The following FAM81A variants were observed in gnomAD, a reference collection of about 807,000 sequenced individuals.
The protein encoded by FAM81A is protein FAM81A.
FAM81A carries 19 observed loss-of-function variants against 46.7 expected under a neutral mutation model. That is an observed-to-expected ratio of 0.41 (90% confidence interval 0.28 to 0.60). The LOEUF is 0.60. Among genes scored for constraint, FAM81A ranks in the 20% least tolerant of loss-of-function variants. FAM81A has a pLI of 0.34. For missense variants in FAM81A, 377 were observed against 453.5 expected (o/e 0.83, Z 1.53); for synonymous variants, 183 against 152.9 (o/e 1.20, Z -1.45).
intron 4 of FAM81A, among the ~76,000 whole-genome samples, chr15:59,498,553 G>T (rs1207230895): frequency 6.6e-6 from 1 of 152,150 alleles, no homozygotes; most frequent in African/African-American, 2.4e-5. Context: ...CCTCGAGTAC[G>T]ATGTTGAATA....
At chr15:59,497,996 A>G (rs1415302150) in intron 4 of FAM81A, among the ~76,000 whole-genome samples, 2 of 152,180 alleles carry the variant, frequency 1.3e-5, no homozygotes, top group Non-Finnish European at 2.9e-5. Flanking sequence ...AGCTGGGACT[A>G]CAGGCATGTG....
intron 2 of FAM81A, among the ~76,000 whole-genome samples, chr15:59,422,338 T>C (rs1370681722): frequency 1.3e-5 from 2 of 152,148 alleles, no homozygotes; most frequent in Non-Finnish European, 2.9e-5. Flanking sequence ...AAGTGAGCTA[T>C]GATCAGGCCA....
At chr15:59,399,396 AT>A (rs2081060959) in intron 1 of FAM81A, among the ~76,000 whole-genome samples, 1 of 152,094 alleles carries the variant, frequency 6.6e-6, no homozygotes, top group Admixed American at 6.6e-5. Context: ...TCAGCCCAAT[AT>A]TAGGGGTTCT....
At chr15:59,474,135 A>G (rs1387256611) in intron 3 of FAM81A, among the ~76,000 whole-genome samples, 3 of 152,120 alleles carry the variant, frequency 2.0e-5, no homozygotes, top group Non-Finnish European at 4.4e-5. Context: ...CACTCTTACT[A>G]TAGCATTTAT....
chr15:59,502,979 A>G (rs1312575209), intron 4 of FAM81A, among the ~76,000 whole-genome samples: 2 of 152,030 alleles, frequency 1.3e-5, no homozygotes, highest in Non-Finnish European at 2.9e-5. Context: ...AAGCCTGGCC[A>G]GGAGTGGTGG....
At chr15:59,497,134 G>A (rs1488365709) in intron 4 of FAM81A, among the ~76,000 whole-genome samples, 1 of 146,664 alleles carries the variant, frequency 6.8e-6, no homozygotes, top group Non-Finnish European at 1.5e-5. Flanking sequence ...TAAAAAAGAA[G>A]AAGAAGAAGA....
chr15:59,455,065 CTT>C (rs773072708), intron 1 of FAM81A, among the ~76,000 whole-genome samples: 9 of 134,528 alleles, frequency 6.7e-5, no homozygotes, highest in African/African-American at 8.1e-5. Context: ...ACCTGGCTAA[CTT>C]TTTTTTTTTT....
intron 2 of FAM81A, chr15:59,408,058 C>T (rs2081104405): frequency 6.0e-6 from 1 of 166,848 alleles, no homozygotes; most frequent in African/African-American, 2.4e-5. Context: ...GGCCTTTTCT[C>T]CAACACGGGA....
intron 4 of FAM81A, among the ~76,000 whole-genome samples, chr15:59,504,092 T>C (rs2082124777): frequency 1.3e-5 from 2 of 152,240 alleles, no homozygotes; most frequent in African/African-American, 2.4e-5. Flanking sequence ...AGGAAGCTTA[T>C]GTTTGGACTG....
intron 3 of FAM81A, among the ~76,000 whole-genome samples, chr15:59,469,813 A>G (rs372677093): frequency 1.3e-5 from 2 of 152,198 alleles, no homozygotes; most frequent in African/African-American, 4.8e-5. Context: ...CACAGCATCA[A>G]TGGTCTTTAC....
chr15:59,413,084 C>A (rs1384508851), intron 2 of FAM81A, among the ~76,000 whole-genome samples: 1 of 152,120 alleles, frequency 6.6e-6, no homozygotes, highest in Non-Finnish European at 1.5e-5. Flanking sequence ...AACAGCACGC[C>A]ACACAAGGCC....
intron 2 of FAM81A, among the ~76,000 whole-genome samples, chr15:59,406,141 A>T (rs1311221029): frequency 6.6e-6 from 1 of 152,224 alleles, no homozygotes; most frequent in African/African-American, 2.4e-5. Context: ...GTGCTAGAGC[A>T]TGTGCCTTCC....
intron 3 of FAM81A, among the ~76,000 whole-genome samples, chr15:59,476,339 T>C (rs1340494251): frequency 6.6e-6 from 1 of 152,012 alleles, no homozygotes; most frequent in Non-Finnish European, 1.5e-5. Flanking sequence ...CCTCCTGCCT[T>C]GGTCTTCCGA....
intron 2 of FAM81A, among the ~76,000 whole-genome samples, chr15:59,408,389 A>G (rs62015013): frequency 6.6e-6 from 1 of 152,132 alleles, no homozygotes; most frequent in Non-Finnish European, 1.5e-5. Flanking sequence ...AATTTCAAGG[A>G]TGGCTCCATT....
At chr15:59,403,218 C>G (rs1319173915) in intron 2 of FAM81A, among the ~76,000 whole-genome samples, 1 of 152,050 alleles carries the variant, frequency 6.6e-6, no homozygotes, top group Non-Finnish European at 1.5e-5. Flanking sequence ...GGCTACCCCC[C>G]CATCCCACAC....
At chr15:59,443,048 C>T (rs1183003699) in intron 1 of FAM81A, among the ~76,000 whole-genome samples, 1 of 152,150 alleles carries the variant, frequency 6.6e-6, no homozygotes, top group East Asian at 1.9e-4. Flanking sequence ...CTAATAATGT[C>T]CTTCATGGCA....
At chr15:59,518,075 C>T (rs1265512731) in intron 8 of FAM81A, among the ~76,000 whole-genome samples, 4 of 150,816 alleles carry the variant, frequency 2.7e-5, no homozygotes, top group African/African-American at 7.3e-5. Context: ...AGGGTACAAG[C>T]GATTCTCCTG....
chr15:59,488,655 G>C (rs1302923194), intron 3 of FAM81A, among the ~76,000 whole-genome samples: 3 of 152,228 alleles, frequency 2.0e-5, no homozygotes, highest in African/African-American at 7.2e-5. Flanking sequence ...AATCAAGAAA[G>C]TAATCTCATT....
Position 59,521,760 on chromosome 15 carries a change from A to G in FAM81A, c.*382A>G, listed in dbSNP as rs1275783657. 1.3e-5 allele frequency: 2 copies of G among 156,244 alleles called. No homozygotes were observed. The highest frequency in any genetic ancestry group is 2.0e-4 in the South Asian group (1 of 5,006). 9.7% of individuals were successfully genotyped at this position (156,244 alleles called of 1,614,324 possible). Reference sequence around the variant, plus strand: ...GGATTTTTTTTTAATTAAGAAACTAATGAATCATCACAGGAATGTGTTGCT... The same window carrying G: ...GGATTTTTTTTTAATTAAGAAACTAGTGAATCATCACAGGAATGTGTTGCT... On this transcript the variant is annotated 3_prime_UTR_variant, in exon 9 of 9. Transcript: ENST00000288228.
Sources: allele counts gnomAD v4.1 joint callset (sites outside exome capture counted in the v4.1 genomes callset), GRCh38; gene constraint gnomAD v4.1.1; transcripts MANE v1.5; gene names NCBI Gene and HGNC (gene_info 2026-07-23, HGNC 2026-07-21).